GRHL2: variants seen among roughly 807,000 people sequenced by gnomAD.
The protein encoded by GRHL2 is grainyhead like transcription factor 2, also known as grainyhead-like protein 2 homolog.
In GRHL2, 21 loss-of-function variants were observed where a neutral mutation model predicts 83.8. The observed-to-expected ratio is 0.25, with a 90% CI of 0.18 to 0.36. The LOEUF is 0.36. Among genes scored for constraint, GRHL2 ranks in the 10% least tolerant of loss-of-function variants. The pLI is 1.00. For missense variants in GRHL2, 623 were observed against 781.8 expected (o/e 0.80, Z 2.42); for synonymous variants, 280 against 278.9 (o/e 1.00, Z -0.04).
At chr8:101,543,180 A>T in intron 1 of GRHL2, 61 bp from the exon 2 acceptor site, 1 of 1,183,422 alleles carries the variant, frequency 8.5e-7, no homozygotes, top group Non-Finnish European at 1.3e-6. Context: ...TATGTATATT[A>T]TTAGGGGTAA....
chr8:101,506,328 C>G (rs370174895), intron 1 of GRHL2, among the ~76,000 whole-genome samples: 2 of 152,230 alleles, frequency 1.3e-5, no homozygotes, highest in South Asian at 2.1e-4. Context: ...AAACAAGTAT[C>G]TAGAAGAAAA....
Position 101,610,889 on chromosome 8 carries a change from C to T in GRHL2, c.1099-8650C>T, listed in dbSNP as rs1192910105. Reference sequence around the variant, plus strand: ...AAGTTTATTCAGAAAGCCAACATAACCGAGAAGATGGTGAACTAATGTTCT... The same window carrying T: ...AAGTTTATTCAGAAAGCCAACATAATCGAGAAGATGGTGAACTAATGTTCT... On this transcript the variant is annotated intron_variant, in intron 8 of 15. Coordinates refer to ENST00000646743, the MANE Select transcript of GRHL2 (RefSeq NM_024915.4). Among the ~76,000 whole-genome samples, 4 of 150,836 alleles carry T rather than the reference C, an allele frequency of 2.7e-5. 1 individual carries two copies. The highest frequency in any genetic ancestry group is 2.1e-4 in the South Asian group (1 of 4,816).
At position 101,492,501 on chromosome 8, in the gene GRHL2, G is replaced by T. The variant is rs895137900; in HGVS notation, c.-269G>T. ...CTGCTCTGTGTCTGCCCATTGCCAC[G>T]ATCCAGGAGGACTCCGCGCCGCCCG... On this transcript the variant is annotated 5_prime_UTR_variant, in exon 1 of 16. Transcript: ENST00000646743. 2.1e-5 allele frequency: 12 copies of T among 580,284 alleles called. No individual in the cohort carries two copies. Among genetic ancestry groups the T allele is most frequent in the Non-Finnish European group, 3.4e-5 (11 of 324,036 alleles). 35.9% of individuals were successfully genotyped at this position (580,284 alleles called of 1,614,324 possible).
rs1219777615 is a variant in GRHL2 at position 101,591,149 on chromosome 8, TAAC to T, written c.1004-7905_1004-7903del. ...ATGCAAAAGATAAAAAATAAAAAAA[TAAC>T]AAAAGGATTCACCATAACAATTCAA... On this transcript the variant is annotated intron_variant, in intron 7 of 15. Coordinates refer to ENST00000646743, the MANE Select transcript of GRHL2 (RefSeq NM_024915.4). Among the ~76,000 whole-genome samples, 3 of 151,942 alleles carry T rather than the reference TAAC, an allele frequency of 2.0e-5. No homozygotes were observed. In the East Asian group the frequency reaches 5.8e-4, roughly 29 times the overall value.
chr8:101,633,228 A>G (rs1813223195), intron 11 of GRHL2, among the ~76,000 whole-genome samples: 1 of 152,210 alleles, frequency 6.6e-6, no homozygotes, highest in African/African-American at 2.4e-5. Context: ...TTGTGTGAAA[A>G]AAGAAAAAAT....
chr8:101,513,500 C>CT (rs112134650), intron 1 of GRHL2, among the ~76,000 whole-genome samples: 1 of 100,174 alleles, frequency 1.0e-5, no homozygotes, highest in African/African-American at 3.8e-5. Context: ...TATCGTTGTG[C>CT]TTTTTTTTTT....
intron 1 of GRHL2, among the ~76,000 whole-genome samples, chr8:101,516,122 G>A (rs1020450209): frequency 1.3e-5 from 2 of 152,116 alleles, no homozygotes; most frequent in African/African-American, 4.8e-5. Context: ...TTGATCTCCT[G>A]CTTCTCAGGA....
chr8:101,680,715 T>C, the GRHL2 span, among the ~76,000 whole-genome samples: 1 of 130,192 alleles, frequency 7.7e-6, no homozygotes, highest in Non-Finnish European at 1.6e-5. Flanking sequence ...ACAGAGATTA[T>C]AATAAACTAT....
intron 1 of GRHL2, among the ~76,000 whole-genome samples, chr8:101,540,922 G>A (rs1376472164): frequency 6.6e-6 from 1 of 152,034 alleles, no homozygotes; most frequent in Admixed American, 6.6e-5. Flanking sequence ...TAATGCACCT[G>A]TCACCTGAAT....
chr8:101,586,186 T>C (rs1812166510), intron 7 of GRHL2, among the ~76,000 whole-genome samples: 1 of 151,150 alleles, frequency 6.6e-6, no homozygotes. Flanking sequence ...TTCACGCCAT[T>C]CTCCTGCCTC....
chr8:101,671,605 T>G (rs529134537), downstream of GRHL2, among the ~76,000 whole-genome samples: 1 of 152,324 alleles, frequency 6.6e-6, no homozygotes, highest in Non-Finnish European at 1.5e-5. Context: ...GCTCCACCTC[T>G]GGGGGCAGGG....
intron 1 of GRHL2, among the ~76,000 whole-genome samples, chr8:101,535,809 G>T (rs926132670): frequency 2.0e-5 from 3 of 152,178 alleles, no homozygotes; most frequent in African/African-American, 7.2e-5. Context: ...CAAAGTGCTG[G>T]GATTACAGGC....
intron 1 of GRHL2, among the ~76,000 whole-genome samples, chr8:101,506,608 T>A (rs1356063771): frequency 1.3e-5 from 2 of 152,220 alleles, no homozygotes; most frequent in Non-Finnish European, 2.9e-5. Flanking sequence ...TTCAGTATAA[T>A]AAATCATGTT....
intron 1 of GRHL2, among the ~76,000 whole-genome samples, chr8:101,539,076 G>C (rs1811100523): frequency 6.6e-6 from 1 of 152,138 alleles, no homozygotes; most frequent in African/African-American, 2.4e-5. Context: ...GAGGGAGTAG[G>C]GATTTCAAGA....
chr8:101,605,044 G>A (rs991816669), intron 8 of GRHL2, among the ~76,000 whole-genome samples: 1 of 152,220 alleles, frequency 6.6e-6, no homozygotes, highest in East Asian at 1.9e-4. Flanking sequence ...CTTTGCCAGA[G>A]CATCAGCAAA....
chr8:101,671,186 G>A (rs560186187), downstream of GRHL2, among the ~76,000 whole-genome samples: 101 of 152,332 alleles, frequency 6.6e-4, no homozygotes, highest in African/African-American at 2.2e-3. Context: ...GACAGTAGGT[G>A]CAGTGCACCC....
At chr8:101,607,119 C>T (rs79860990) in intron 8 of GRHL2, among the ~76,000 whole-genome samples, 1 of 152,216 alleles carries the variant, frequency 6.6e-6, no homozygotes, top group Non-Finnish European at 1.5e-5. Flanking sequence ...CCCTCTATCT[C>T]TCTTCCGGTT....
rs1812922478 is a variant in GRHL2, at chr8:101,619,583, A to G, written c.1143A>G (p.Gln381=). Residue 381 remains glutamine (Q), a synonymous_variant, in exon 9 of 16, where the codon CAA becomes CAG. Transcript: ENST00000646743. ...GCTTGAGCACAGATTTCTCCTCCCA[A>G]AAAGGGGTGAAAGGACTTCCTTTGA... The part of the protein sequence containing the change: ...VNCLSTDFSS[Q]KGVKGLPLMI... The G allele has an allele frequency of 6.2e-7, 1 of 1,613,622 alleles. No homozygotes were observed. Among genetic ancestry groups the G allele is most frequent in the African/African-American group, 1.3e-5 (1 of 74,896 alleles).
chr8:101,575,650 G>A (rs1811919483), intron 6 of GRHL2, among the ~76,000 whole-genome samples: 1 of 152,154 alleles, frequency 6.6e-6, no homozygotes, highest in Non-Finnish European at 1.5e-5. Context: ...CTTTATCATT[G>A]AAGAAATGAA....
Sources: gnomAD v4.1 joint callset for allele counts (sites outside exome capture counted in the v4.1 genomes callset) on GRCh38, gnomAD v4.1.1 for gene constraint, MANE v1.5 for transcripts, NCBI Gene and HGNC (gene_info 2026-07-23, HGNC 2026-07-21) for gene names.